SNAP29: variants seen among roughly 807,000 people sequenced by gnomAD.
SNAP29 encodes synaptosome associated protein 29, also known as synaptosomal-associated protein 29.
SNAP29 carries 13 observed loss-of-function variants against 27.9 expected under a neutral mutation model. The observed-to-expected ratio is 0.47, with a 90% confidence interval of 0.30 to 0.74. SNAP29 has a LOEUF of 0.74. Ranked by LOEUF, SNAP29 falls within the 30% of genes least tolerant of loss-of-function variation. SNAP29 has a pLI of 0.06. For synonymous variants in SNAP29, 119 were observed against 127.1 expected (o/e 0.94, Z 0.43); for missense variants, 368 against 336.5 (o/e 1.09, Z -0.73).
In SNAP29 at chr22:20,889,238, CAGT is replaced by C. The variant is rs1367046783; in HGVS notation, c.*1403_*1405del. The C allele has an allele frequency of 2.0e-5, 3 of 152,216 alleles. No homozygotes were observed. Among genetic ancestry groups the C allele is most frequent in the African/African-American group, 7.2e-5 (3 of 41,460 alleles). 9.4% of individuals were successfully genotyped at this position (152,216 alleles called of 1,614,324 possible). A position where few individuals can be genotyped will look rare whatever the true frequency, so the allele number is the denominator to read the frequency against. The stretch of plus-strand genomic sequence containing the variant: ...CCCTTTACAGTCTGCAGCCTATAAA[CAGT>C]GGTGTCTCAAAGCAAAGGAAACCTC... On this transcript the variant is annotated 3_prime_UTR_variant, in exon 5 of 5. Transcript: ENST00000215730.
chr22:20,876,556 C>A (rs1242590376), intron 2 of SNAP29, among the ~76,000 whole-genome samples: 1 of 150,360 alleles, frequency 6.7e-6, no homozygotes, highest in Non-Finnish European at 1.5e-5. Context: ...CTGTGCCTGG[C>A]CCACTTAAAA....
chr22:20,862,728 A>C (rs540878109), intron 1 of SNAP29, among the ~76,000 whole-genome samples: 1 of 152,204 alleles, frequency 6.6e-6, no homozygotes, highest in Non-Finnish European at 1.5e-5. Context: ...CAGTGTGGTC[A>C]TGACTGGGCA....
Position 20,872,813 on chromosome 22 carries a change from C to T in SNAP29, c.434+2280C>T, listed in dbSNP as rs1273712064. On this transcript the variant is annotated intron_variant, in intron 2 of 4. Transcript: ENST00000215730. ...AGCCTCCTAGAGTGCCGAGCCACCA[C>T]GCCAGGCTTTTTTTTTTTTTTTTTT... 4.4e-5 allele frequency among the ~76,000 whole-genome samples: 6 copies of T among 136,264 alleles called. No homozygotes were observed. In the Admixed American group the frequency reaches 4.8e-4, roughly 11 times the overall value. 89.4% of individuals were successfully genotyped at this position (136,264 alleles called of 152,430 possible).
Position 20,859,322 on chromosome 22 carries a change from A to C in SNAP29, c.212A>C (p.Glu71Ala). Residue 71 changes from glutamate to alanine, a missense_variant, in exon 1 of 5, where the codon GAG becomes GCG. Transcript: ENST00000215730. ...SRSLALMYES[E>A]KVGVASSEEL... is the part of the protein sequence containing the mutation. ...TCCCTGGCCCTCATGTACGAGTCCG[A>C]GAAGGTTGGGGTCGCCTCTTCCGAG... 2 of 1,613,358 alleles carry C rather than the reference A, an allele frequency of 1.2e-6. No homozygotes were observed.
chr22:20,875,627 G>T (rs1005621954), intron 2 of SNAP29, among the ~76,000 whole-genome samples: 1 of 152,216 alleles, frequency 6.6e-6, no homozygotes, highest in East Asian at 1.9e-4. Context: ...AAGCACAGGG[G>T]AAGCCGGGAT....
At chr22:20,885,400 G>A (rs778843152) in intron 4 of SNAP29, among the ~76,000 whole-genome samples, 9 of 152,112 alleles carry the variant, frequency 5.9e-5, no homozygotes, top group Non-Finnish European at 1.2e-4. Flanking sequence ...TGTCTGGGAA[G>A]CCCCAGACAG....
chr22:20,890,015 G>A lies in SNAP29; in HGVS notation c.*2179G>A, dbSNP rs553271593. The A allele has an allele frequency of 1.1e-3, 390 of 357,744 alleles. No individual in the cohort carries two copies. The highest frequency in any genetic ancestry group is 1.7e-3 in the Non-Finnish European group (348 of 201,218). The allele number at this position is 357,744 out of a possible 1,614,324, so 22.2% of individuals were successfully genotyped here. A position where few individuals can be genotyped will look rare whatever the true frequency, so the allele number is the denominator to read the frequency against. On this transcript the variant is annotated 3_prime_UTR_variant, in exon 5 of 5. Coordinates refer to ENST00000215730, the MANE Select transcript of SNAP29 (RefSeq NM_004782.4). ...TTCACTTTTCTGGAAATTTGTCTTC[G>A]TCTGACATATTAGAGGGCCTCGTTT... is the stretch of plus-strand genomic sequence containing the variant.
At position 20,882,644 on chromosome 22, in the gene SNAP29, G is replaced by T. The variant is rs185370719; in HGVS notation, c.521-827G>T. Among the ~76,000 whole-genome samples, 462 of 152,284 alleles carry T rather than the reference G, an allele frequency of 3.0e-3. 4 individuals carry two copies. The highest frequency in any genetic ancestry group is 0.011 in the African/African-American group (447 of 41,554). On this transcript the variant is annotated intron_variant, in intron 3 of 4. Coordinates refer to ENST00000215730, the MANE Select transcript of SNAP29 (RefSeq NM_004782.4). ...GAAGTGAGTGTAAATTGAAAGGCAA[G>T]GGCTGGGAAAACCGGCCTCATCACA...
intron 3 of SNAP29, among the ~76,000 whole-genome samples, chr22:20,881,443 C>A (rs95944): frequency 0.37 from 57,024 of 152,100 alleles, 11,138 homozygotes; most frequent in African/African-American, 0.46. Flanking sequence ...GTAACACACG[C>A]CTGTAATCCC....
intron 2 of SNAP29, among the ~76,000 whole-genome samples, chr22:20,879,488 G>A (rs558598062): frequency 1.2e-4 from 18 of 151,612 alleles, no homozygotes; most frequent in East Asian, 1.2e-3. Flanking sequence ...GCAGTAAATC[G>A]AGATCACGCC....
chr22:20,873,424 G>C (rs1225868166), intron 2 of SNAP29, among the ~76,000 whole-genome samples: 1 of 152,110 alleles, frequency 6.6e-6, no homozygotes, highest in Non-Finnish European at 1.5e-5. Context: ...CCCAGATCAA[G>C]ATGTAGGGTG....
At position 20,868,222 on chromosome 22, in the gene SNAP29, C is replaced by G. The variant is rs143008029; in HGVS notation, c.238-2115C>G. On this transcript the variant is annotated intron_variant, in intron 1 of 4. Transcript: ENST00000215730. ...CTCTTTTTTCTTTTGAAAACTAGCC[C>G]TTGCAAGATTTGCTTGACATACTGA... Among the ~76,000 whole-genome samples, 355 of 152,306 alleles carry G rather than the reference C, an allele frequency of 2.3e-3. 3 individuals are homozygous for G. The highest frequency in any genetic ancestry group is 8.3e-3 in the African/African-American group (344 of 41,560).
intron 2 of SNAP29, among the ~76,000 whole-genome samples, chr22:20,876,343 C>T (rs974898921): frequency 4.7e-5 from 7 of 149,578 alleles, no homozygotes; most frequent in African/African-American, 1.7e-4. Context: ...CTGTATCCTC[C>T]ACCTCCCAGG....
chr22:20,877,149 C>A (rs141551246), intron 2 of SNAP29, among the ~76,000 whole-genome samples: 3 of 152,308 alleles, frequency 2.0e-5, no homozygotes, highest in African/African-American at 7.2e-5. Flanking sequence ...CTTGGCTGAG[C>A]GTGGTGGCTC....
Position 20,859,147 on chromosome 22 carries a change from G to C in SNAP29, c.37G>C (p.Asp13His), listed in dbSNP as rs749686029. 2 of 1,607,986 alleles carry C rather than the reference G, an allele frequency of 1.2e-6. No individual in the cohort carries two copies. The highest frequency in any genetic ancestry group is 2.2e-5 in the South Asian group (2 of 90,018). ...AYPKSYNPFD[D>H]DGEDEGARPA... Reference sequence around the variant, plus strand: ...CCCTAAAAGCTACAATCCGTTCGACGACGACGGGGAGGACGAAGGCGCCCG... The same window carrying C: ...CCCTAAAAGCTACAATCCGTTCGACCACGACGGGGAGGACGAAGGCGCCCG... Residue 13 changes from aspartate to histidine, a missense_variant, in exon 1 of 5, where the codon GAC (aspartate) becomes CAC (histidine). Transcript: ENST00000215730.
chr22:20,871,009 G>T (rs1220665313), intron 2 of SNAP29: 7 of 249,202 alleles, frequency 2.8e-5, no homozygotes, highest in African/African-American at 1.4e-4. Flanking sequence ...CACACCTGTA[G>T]TCCCAGCTCC....
intron 3 of SNAP29, 94 bp downstream of exon 3, chr22:20,881,228 T>A: frequency 1.2e-6 from 1 of 865,428 alleles, no homozygotes. Flanking sequence ...GCAACCTCTC[T>A]GGGGAGGTGG....
intron 2 of SNAP29, among the ~76,000 whole-genome samples, chr22:20,875,567 G>A (rs568356635): frequency 6.6e-6 from 1 of 152,302 alleles, no homozygotes; most frequent in African/African-American, 2.4e-5. Flanking sequence ...TGAAGGTTTT[G>A]AGGGAACCCA....
chr22:20,862,595 G>A (rs1158674405), intron 1 of SNAP29, among the ~76,000 whole-genome samples: 1 of 152,194 alleles, frequency 6.6e-6, no homozygotes, highest in Non-Finnish European at 1.5e-5. Context: ...GATATAGATT[G>A]TGATGACATG....
Sources: gnomAD v4.1 joint callset for allele counts (sites outside exome capture counted in the v4.1 genomes callset) on GRCh38, gnomAD v4.1.1 for gene constraint, MANE v1.5 for transcripts, NCBI Gene and HGNC (gene_info 2026-07-23, HGNC 2026-07-21) for gene names.